The following HIRA variants were observed in gnomAD, a reference collection of about 807,000 sequenced individuals.
The protein encoded by HIRA is histone cell cycle regulator, also known as protein HIRA.
A neutral mutation model predicts 126.6 loss-of-function variants in HIRA; 13 were observed. That is an observed-to-expected ratio of 0.10 (90% CI 0.07 to 0.16). The LOEUF (loss-of-function observed/expected upper bound fraction) is 0.16. HIRA is among the 10% of genes least tolerant of loss of function. The probability of loss-of-function intolerance (pLI) is 1.00; values close to 1 mark genes in which losing one functional copy is unlikely to be tolerated. For missense variants in HIRA, 834 were observed against 1,314.4 expected, an observed-to-expected ratio of 0.63 and a Z score of 5.65; for synonymous variants, 511 against 520.0, an observed-to-expected ratio of 0.98 and a Z score of 0.24.
chr22:19,414,102 G>C (rs977567200), intron 1 of HIRA, among the ~76,000 whole-genome samples: 2 of 152,166 alleles, frequency 1.3e-5, no homozygotes, highest in Non-Finnish European at 2.9e-5. Flanking sequence ...ACACACCCTA[G>C]ACTCTAGAGA....
At position 19,356,984 on chromosome 22, in the gene HIRA, G is replaced by A; in HGVS notation, c.2302C>T (p.Leu768Phe). ...SVFSTCGRRL[L>F]SPILLPSPIS... ...GGGGATGGCAGGAGGATGGGAGAGA[G>A]GAGACGGCGACCACAGGTGGAGAAC... is the stretch of plus-strand genomic sequence containing the variant. The change falls in exon 19 of 25, where the codon CTC becomes TTC. Residue 768 changes from leucine (L) to phenylalanine (F), a missense_variant. Coordinates refer to ENST00000263208, the MANE Select transcript of HIRA (RefSeq NM_003325.4). 1 of 1,613,916 alleles carries A rather than the reference G, an allele frequency of 6.2e-7. No individual in the cohort carries two copies. Among genetic ancestry groups the A allele is most frequent in the Non-Finnish European group, 8.5e-7 (1 of 1,179,976 alleles).
intron 18 of HIRA, among the ~76,000 whole-genome samples, chr22:19,357,967 C>G (rs937624442): frequency 1.3e-5 from 2 of 152,100 alleles, no homozygotes; most frequent in Non-Finnish European, 2.9e-5. Flanking sequence ...CTAAGCAGCA[C>G]GGGCAACAAG....
intron 1 of HIRA, among the ~76,000 whole-genome samples, chr22:19,422,437 T>A (rs996234809): frequency 6.6e-6 from 1 of 151,728 alleles, no homozygotes; most frequent in African/African-American, 2.4e-5. Context: ...CAATCTAGTC[T>A]CCACGTAGCA....
chr22:19,385,869 G>T, intron 11 of HIRA, 133 bp from the exon 12 acceptor site: 2 of 749,074 alleles, frequency 2.7e-6, no homozygotes, highest in Admixed American at 2.4e-5. Flanking sequence ...ACTCCCCATC[G>T]CCTCCCATCC....
At chr22:19,422,911 G>A (rs111365611) in intron 1 of HIRA, among the ~76,000 whole-genome samples, 22 of 152,206 alleles carry the variant, frequency 1.4e-4, no homozygotes, top group African/African-American at 4.6e-4. Flanking sequence ...CTGTGGACAC[G>A]GGAGTAAAGG....
chr22:19,368,133 AG>A (rs1252229673), intron 15 of HIRA, among the ~76,000 whole-genome samples: 1 of 152,144 alleles, frequency 6.6e-6, no homozygotes, highest in Non-Finnish European at 1.5e-5. Context: ...ACTGCTAACC[AG>A]CCTCTGGCCT....
intron 9 of HIRA, among the ~76,000 whole-genome samples, chr22:19,390,941 C>T (rs2089175190): frequency 1.3e-5 from 2 of 150,212 alleles, no homozygotes; most frequent in Admixed American, 1.3e-4. Flanking sequence ...TCCTTGCTGA[C>T]ACTTGGTACT....
In HIRA at chr22:19,376,721, C is replaced by T. The variant is rs17811102; in HGVS notation, c.1614-929G>A. On this transcript the variant is annotated intron_variant, in intron 14 of 24. Coordinates refer to ENST00000263208, the MANE Select transcript of HIRA (RefSeq NM_003325.4). ...CTAATGTTTGGGCATGCCTTCACAG[C>T]CATGGTGCTAGCACCCAGAAGTAGG... 9.3e-3 allele frequency among the ~76,000 whole-genome samples: 1,418 copies of T among 152,332 alleles called. 51 individuals carry two copies. The East Asian group carries it at 0.13, about 14-fold the overall frequency.
In HIRA at chr22:19,394,344, C is replaced by T. The variant is rs193920856; in HGVS notation, c.820G>A (p.Val274Met). The change falls in exon 8 of 25, where the codon GTG becomes ATG. Residue 274 changes from valine (V) to methionine (M), a missense_variant and splice_region_variant. This residue lies in a region of HIRA where 153 missense variants were observed against 270.6 expected (regional missense o/e 0.57). Transcript: ENST00000263208. The part of the protein sequence containing the change: ...FVGHRKAVTV[V>M]KFNPKIFKKK... ...CCTTTAGTTCCCTGGGCACTCACCA[C>T]GACAGTCACAGCTTTCCGGTGCCCA... The T allele has an allele frequency of 2.5e-6, 4 of 1,614,154 alleles. No individual in the cohort carries two copies. Among genetic ancestry groups the T allele is most frequent in the Non-Finnish European group, 2.5e-6 (3 of 1,180,010 alleles).
At chr22:19,368,033 G>C (rs1004314294) in intron 15 of HIRA, among the ~76,000 whole-genome samples, 6 of 152,118 alleles carry the variant, frequency 3.9e-5, no homozygotes, top group Non-Finnish European at 8.8e-5. Flanking sequence ...TGGATCACAG[G>C]TGCTATCACT....
chr22:19,385,900 C>T (rs1205375645), intron 11 of HIRA, among the ~76,000 whole-genome samples, 164 bp from the exon 12 acceptor site: 1 of 152,186 alleles, frequency 6.6e-6, no homozygotes, highest in Non-Finnish European at 1.5e-5. Flanking sequence ...GTCCCTCATT[C>T]GACAGCTCTG....
Position 19,396,868 on chromosome 22 carries a change from A to T in HIRA, c.573T>A (p.Ser191=), listed in dbSNP as rs2089228494. The T allele has an allele frequency of 6.2e-7, 1 of 1,614,060 alleles. No homozygotes were observed. The highest frequency in any genetic ancestry group is 1.7e-5 in the Admixed American group (1 of 60,000). Residue 191 remains serine, a synonymous_variant, in exon 7 of 25, where the codon TCT becomes TCA. Coordinates refer to ENST00000263208, the MANE Select transcript of HIRA (RefSeq NM_003325.4). ...CCTTTAGGCTGCGGTCATCAGCTTG[A>T]GAAGCTATGTATTTACCAACAGGGT... ...TWDPVGKYIA[S]QADDRSLKVW... is the part of the protein sequence containing the mutation.
At chr22:19,333,655 T>C (rs1270278176) in intron 24 of HIRA, among the ~76,000 whole-genome samples, 1 of 152,198 alleles carries the variant, frequency 6.6e-6, no homozygotes, top group Non-Finnish European at 1.5e-5. Context: ...TCCGCCAGTA[T>C]TTCTTCAAAT....
At chr22:19,386,512 G>A (rs1455815742) in intron 11 of HIRA, among the ~76,000 whole-genome samples, 1 of 152,260 alleles carries the variant, frequency 6.6e-6, no homozygotes, top group African/African-American at 2.4e-5. Context: ...GGGTTGAGAG[G>A]CAGCGTTCCA....
chr22:19,376,322 A>G (rs957439107), intron 14 of HIRA, among the ~76,000 whole-genome samples: 1 of 152,180 alleles, frequency 6.6e-6, no homozygotes, highest in Non-Finnish European at 1.5e-5. Context: ...CTCATCACAC[A>G]ACTTTCATCT....
At chr22:19,341,341 T>C (rs1178523947) in intron 24 of HIRA, among the ~76,000 whole-genome samples, 2 of 151,106 alleles carry the variant, frequency 1.3e-5, no homozygotes, top group Non-Finnish European at 2.9e-5. Flanking sequence ...TCCCAGCTAC[T>C]CAGGAGGCTG....
chr22:19,335,320 C>G (rs1452533238), intron 24 of HIRA, among the ~76,000 whole-genome samples: 3 of 152,036 alleles, frequency 2.0e-5, no homozygotes, highest in Non-Finnish European at 4.4e-5. Flanking sequence ...TCTTGGCTCA[C>G]TGCAACCTCT....
Position 19,351,562 on chromosome 22 carries a change from A to G in HIRA, c.2849-116T>C, listed in dbSNP as rs2088757526. The G allele has an allele frequency of 1.3e-6, 1 of 798,276 alleles. No homozygotes were observed. The highest frequency in any genetic ancestry group is 2.8e-5 in the East Asian group (1 of 36,288). 49.4% of individuals were successfully genotyped at this position (798,276 alleles called of 1,614,324 possible). On this transcript the variant is annotated intron_variant, in intron 23 of 24. Transcript: ENST00000263208. This position sits in a 1 kb window ranked among gnomAD's most constrained non-coding sequence, Gnocchi z 4.8. The stretch of plus-strand genomic sequence containing the variant: ...TGTTGTGTCTATCAAATCAGAATAA[A>G]CACATGCGTATTTTATTGCCTACTA...
chr22:19,421,737 C>T (rs575674556), intron 1 of HIRA, among the ~76,000 whole-genome samples: 39 of 152,232 alleles, frequency 2.6e-4, no homozygotes, highest in Admixed American at 2.2e-3. Context: ...AGTGATGCGA[C>T]CTCAGCTCAC....
Sources: gnomAD v4.1 joint callset for allele counts (sites outside exome capture counted in the v4.1 genomes callset) on GRCh38, gnomAD v4.1.1 for gene constraint, gnomAD v4.1.1 regional missense constraint, Gnocchi (gnomAD v3.1) non-coding constraint, MANE v1.5 for transcripts, NCBI Gene and HGNC (gene_info 2026-07-23, HGNC 2026-07-21) for gene names.